NKD1: variants seen among roughly 807,000 people sequenced by gnomAD.
The protein encoded by NKD1 is NKD inhibitor of Wnt signaling pathway 1.
In NKD1, 21 loss-of-function variants were observed where a neutral mutation model predicts 56.0. The observed-to-expected ratio is 0.38, with a 90% confidence interval of 0.27 to 0.54. The LOEUF (loss-of-function observed/expected upper bound fraction) is 0.54. NKD1 is among the 20% of genes least tolerant of loss of function. NKD1 has a pLI of 0.82. For synonymous variants in NKD1, 263 were observed against 265.7 expected, an observed-to-expected ratio of 0.99 and a Z score of 0.10; for missense variants, 578 against 642.7, an observed-to-expected ratio of 0.90 and a Z score of 1.09.
At chr16:50,606,737 C>T (rs1233387231) in intron 3 of NKD1, 1 of 448,946 alleles carries the variant, frequency 2.2e-6, no homozygotes, top group East Asian at 7.1e-5. Flanking sequence ...GCGCAGAGCC[C>T]CGCTCTGCAG....
Position 50,608,410 on chromosome 16 carries a change from G to A in NKD1, c.259+50G>A, listed in dbSNP as rs376977393. On this transcript the variant is annotated intron_variant, in intron 4 of 9. Coordinates refer to ENST00000268459, the MANE Select transcript of NKD1 (RefSeq NM_033119.5). ...CCCAGCAGCAGCGAGTGGGGGAAGCGGGTGTTCAGCTGGCCGTGTGCCCTG... is the reference window on the plus strand; with the variant it reads ...CCCAGCAGCAGCGAGTGGGGGAAGCAGGTGTTCAGCTGGCCGTGTGCCCTG... 2.4e-5 allele frequency: 33 copies of A among 1,374,798 alleles called. No individual in the cohort carries two copies. In the East Asian group the frequency reaches 2.7e-4, roughly 11 times the overall value. The allele number at this position is 1,374,798 out of a possible 1,614,324, so 85.2% of individuals were successfully genotyped here.
At chr16:50,581,965 T>G (rs1321415936) in intron 3 of NKD1, among the ~76,000 whole-genome samples, 1 of 152,182 alleles carries the variant, frequency 6.6e-6, no homozygotes, top group East Asian at 1.9e-4. Flanking sequence ...GGATTGGTTG[T>G]TTGGGGCTGC....
At chr16:50,577,749 G>T (rs1445018738) in intron 3 of NKD1, among the ~76,000 whole-genome samples, 2 of 152,170 alleles carry the variant, frequency 1.3e-5, no homozygotes, top group Non-Finnish European at 2.9e-5. Context: ...ATATAAATGA[G>T]ATCACGCAGT....
intron 3 of NKD1, chr16:50,575,406 G>A: frequency 1.1e-6 from 1 of 936,996 alleles, no homozygotes; most frequent in South Asian, 4.9e-5. Context: ...TTTTCGGGGA[G>A]AAAGAACAAA....
intron 3 of NKD1, chr16:50,556,334 C>T (rs1191626350): frequency 1.3e-5 from 2 of 152,296 alleles, no homozygotes; most frequent in African/African-American, 4.8e-5. Context: ...TTGATAGCTT[C>T]CTGGGAAGGC....
At chr16:50,589,125 C>G (rs1363767524) in intron 3 of NKD1, among the ~76,000 whole-genome samples, 1 of 152,172 alleles carries the variant, frequency 6.6e-6, no homozygotes, top group African/African-American at 2.4e-5. Flanking sequence ...GACCCCAGCA[C>G]TCAGATCTTC....
At chr16:50,622,577 A>G (rs1962117051) in intron 5 of NKD1, among the ~76,000 whole-genome samples, 1 of 152,206 alleles carries the variant, frequency 6.6e-6, no homozygotes, top group African/African-American at 2.4e-5. Flanking sequence ...CTATACACTT[A>G]GTAGCTCTGA....
chr16:50,575,575 A>G (rs925430592), intron 3 of NKD1, among the ~76,000 whole-genome samples: 99 of 152,208 alleles, frequency 6.5e-4, no homozygotes, highest in African/African-American at 2.3e-3. Context: ...GAGCTCGAAC[A>G]CTGAGAAGTA....
At chr16:50,585,141 A>G (rs1199214010) in intron 3 of NKD1, among the ~76,000 whole-genome samples, 1 of 152,158 alleles carries the variant, frequency 6.6e-6, no homozygotes, top group Non-Finnish European at 1.5e-5. Context: ...CAGTCCCTGG[A>G]GAAGGTCACA....
At chr16:50,563,535 G>A (rs925886124) in intron 3 of NKD1, among the ~76,000 whole-genome samples, 10 of 151,610 alleles carry the variant, frequency 6.6e-5, no homozygotes, top group African/African-American at 2.4e-4. Context: ...TCCTCAATGG[G>A]CACAGCCCTG....
In NKD1 at chr16:50,643,688, T is replaced by C. The variant is rs143967682; in HGVS notation, c.*9907T>C. The C allele has an allele frequency of 6.6e-6, 1 of 152,390 alleles. No individual in the cohort carries two copies. Among genetic ancestry groups the C allele is most frequent in the African/African-American group, 2.4e-5 (1 of 41,582 alleles). The allele number at this position is 152,390 out of a possible 1,614,324, so 9.4% of individuals were successfully genotyped here. On this transcript the variant is annotated 3_prime_UTR_variant, in exon 10 of 10. Coordinates refer to ENST00000268459, the MANE Select transcript of NKD1 (RefSeq NM_033119.5). ...ATCCTAGGGGAAATACAGGGTTAGGTTCCTGCCAGCTTCTGGTCACAACAT... is the reference window on the plus strand; with the variant it reads ...ATCCTAGGGGAAATACAGGGTTAGGCTCCTGCCAGCTTCTGGTCACAACAT...
chr16:50,586,022 C>T (rs75329958), intron 3 of NKD1, among the ~76,000 whole-genome samples: 4,953 of 152,218 alleles, frequency 0.033, 119 homozygotes, highest in Middle Eastern at 0.075. Context: ...TTCTCATCTT[C>T]ATGTTCCAGA....
At chr16:50,630,389 C>T (rs1962317730) in intron 7 of NKD1, 56 bp downstream of exon 7, 1 of 1,591,392 alleles carries the variant, frequency 6.3e-7, no homozygotes. Context: ...CAGGAAGGAA[C>T]AGAGCCTTCC....
chr16:50,606,466 A>ATGCCAGAACT (rs1360120024), intron 3 of NKD1: 64 of 315,640 alleles, frequency 2.0e-4, no homozygotes, highest in Non-Finnish European at 1.9e-4. Context: ...TGAGAGGCCT[A>ATGCCAGAACT]TGCCAGAACT....
chr16:50,571,526 C>G, intron 3 of NKD1: 1 of 985,442 alleles, frequency 1.0e-6, no homozygotes, highest in African/African-American at 1.7e-5. Flanking sequence ...TGAGACCCAT[C>G]TGCGCTCCCA....
intron 3 of NKD1, among the ~76,000 whole-genome samples, chr16:50,599,374 C>T (rs1462631194): frequency 6.6e-6 from 1 of 152,112 alleles, no homozygotes; most frequent in Non-Finnish European, 1.5e-5. Context: ...GAGGCATAGT[C>T]AGGTAGACTC....
At position 50,641,424 on chromosome 16, in the gene NKD1, G is replaced by A. The variant is rs1962577569; in HGVS notation, c.*7643G>A. Reference sequence around the variant, plus strand: ...CTAGCCTGGCCCATCGATGTGTCATGTTTGACCCATCAAGGGTTTCAAAAA... The same window carrying A: ...CTAGCCTGGCCCATCGATGTGTCATATTTGACCCATCAAGGGTTTCAAAAA... On this transcript the variant is annotated 3_prime_UTR_variant, in exon 10 of 10. Transcript: ENST00000268459. 6.6e-6 allele frequency: 1 copy of A among 152,218 alleles called. No homozygotes were observed. The highest frequency in any genetic ancestry group is 1.5e-5 in the Non-Finnish European group (1 of 68,034). The allele number at this position is 152,218 out of a possible 1,614,324, so 9.4% of individuals were successfully genotyped here. A position where few individuals can be genotyped will look rare whatever the true frequency, so the allele number is the denominator to read the frequency against.
At position 50,559,399 on chromosome 16, in the gene NKD1, G is replaced by A. The variant is rs558683083; in HGVS notation, c.192+9844G>A. On this transcript the variant is annotated intron_variant, in intron 3 of 9. Coordinates refer to ENST00000268459, the MANE Select transcript of NKD1 (RefSeq NM_033119.5). ...AGACCCAAAGAATAAATAGGAAATA[G>A]CTAGGTGGGGAAAGGTTTATTAAAA... 2.9e-3 allele frequency among the ~76,000 whole-genome samples: 449 copies of A among 152,270 alleles called. 3 individuals carry two copies. The highest frequency in any genetic ancestry group is 0.01 in the African/African-American group (435 of 41,556).
intron 4 of NKD1, among the ~76,000 whole-genome samples, chr16:50,620,357 C>A (rs1009224274): frequency 1.3e-5 from 2 of 152,184 alleles, no homozygotes; most frequent in African/African-American, 4.8e-5. Flanking sequence ...ATCGGAGAGA[C>A]ACAAATCCCC....
Sources: allele counts gnomAD v4.1 joint callset (sites outside exome capture counted in the v4.1 genomes callset), GRCh38; gene constraint gnomAD v4.1.1; transcripts MANE v1.5; gene names NCBI Gene and HGNC (gene_info 2026-07-23, HGNC 2026-07-21).